EPB41: variants seen among roughly 807,000 people sequenced by gnomAD.
EPB41 encodes the protein erythrocyte membrane protein band 4.1, also known as protein 4.1.
Under a neutral mutation model 108.0 loss-of-function variants are expected in EPB41, and 65 were observed. That is an observed-to-expected ratio of 0.60 (90% CI 0.49 to 0.74). EPB41 has a LOEUF of 0.74. Among genes scored for constraint, EPB41 ranks in the 30% least tolerant of loss-of-function variants. The pLI is 0.00. For missense variants in EPB41, 875 were observed against 1,037.0 expected, an observed-to-expected ratio of 0.84 and a Z score of 2.15; for synonymous variants, 336 against 358.9, an observed-to-expected ratio of 0.94 and a Z score of 0.72.
intron 11 of EPB41, among the ~76,000 whole-genome samples, chr1:29,048,186 A>G (rs1223106057): frequency 1.3e-5 from 2 of 151,966 alleles, no homozygotes; most frequent in Non-Finnish European, 1.5e-5. Flanking sequence ...CCTATTATAT[A>G]TAGTTTAACT....
At chr1:28,968,578 G>C (rs960193597) in intron 1 of EPB41, among the ~76,000 whole-genome samples, 24 of 152,044 alleles carry the variant, frequency 1.6e-4, no homozygotes, top group African/African-American at 5.6e-4. Flanking sequence ...AAAAGAACCT[G>C]ACACTTAATA....
At chr1:28,952,981 G>A (rs2873886) in intron 1 of EPB41, among the ~76,000 whole-genome samples, 18,718 of 152,058 alleles carry the variant, frequency 0.12, 1,593 homozygotes, top group African/African-American at 0.25. Flanking sequence ...CGCCTGCCTC[G>A]GCCTCCCAAA....
Position 29,047,787 on chromosome 1 carries a change from TATGTATG to T in EPB41, c.1637-5316_1637-5310del, listed in dbSNP as rs1352976846. Reference sequence around the variant, plus strand: ...CAATTTATGTATGTATGTATGTATGTATGTATGTATTTATTTTTGAGGTGGAGTTTCA... The same window carrying T: ...CAATTTATGTATGTATGTATGTATGTTATTTATTTTTGAGGTGGAGTTTCA... On this transcript the variant is annotated intron_variant, in intron 11 of 20. Coordinates refer to ENST00000343067, the MANE Select transcript of EPB41 (RefSeq NM_001376013.1). Among the ~76,000 whole-genome samples the T allele has an allele frequency of 5.0e-4, 75 of 151,346 alleles. No homozygotes were observed. The South Asian group carries it at 6.7e-3, about 14-fold the overall frequency.
rs377505807 is a variant in EPB41, at chr1:29,112,496, A to C, written c.2496+48A>C. 4.0e-6 allele frequency: 6 copies of C among 1,489,566 alleles called. No individual in the cohort carries two copies. The East Asian group carries it at 6.8e-5, about 17-fold the overall frequency. The allele number at this position is 1,489,566 out of a possible 1,614,324, so 92.3% of individuals were successfully genotyped here. On this transcript the variant is annotated intron_variant, in intron 19 of 20. Transcript: ENST00000343067. The stretch of plus-strand genomic sequence containing the variant: ...GGCCTGGGAGGGGTCCCTGGGCAGG[A>C]AGACCGATGAATACAGGAGTTTGTT...
intron 7 of EPB41, among the ~76,000 whole-genome samples, chr1:29,030,134 T>C (rs2096770381): frequency 6.6e-6 from 1 of 152,170 alleles, no homozygotes; most frequent in Admixed American, 6.6e-5. Flanking sequence ...GGAAATTGTT[T>C]AGTAGGATTA....
chr1:28,976,583 G>A (rs2095612535), intron 1 of EPB41, among the ~76,000 whole-genome samples: 1 of 151,996 alleles, frequency 6.6e-6, no homozygotes, highest in African/African-American at 2.4e-5. Context: ...CAAACTCCTG[G>A]GCTCAAGCTA....
chr1:28,894,857 G>C (rs1216886096), intron 1 of EPB41, among the ~76,000 whole-genome samples: 1 of 152,180 alleles, frequency 6.6e-6, no homozygotes, highest in Non-Finnish European at 1.5e-5. Flanking sequence ...TCTGGGAGGG[G>C]ACTATGTGTT....
intron 4 of EPB41, among the ~76,000 whole-genome samples, chr1:28,997,703 A>G (rs2096212795): frequency 2.0e-5 from 3 of 150,406 alleles, no homozygotes; most frequent in South Asian, 2.1e-4. Flanking sequence ...TAATATTATA[A>G]TGACATATCA....
intron 16 of EPB41, among the ~76,000 whole-genome samples, chr1:29,093,702 C>T (rs559642029): frequency 6.6e-6 from 1 of 152,052 alleles, no homozygotes; most frequent in Non-Finnish European, 1.5e-5. Context: ...GTCAGGAGAT[C>T]GAGACCAGCC....
At chr1:28,897,607 G>A (rs2147873976) in intron 1 of EPB41, among the ~76,000 whole-genome samples, 1 of 86,358 alleles carries the variant, frequency 1.2e-5, no homozygotes, top group East Asian at 4.5e-4. Context: ...GGGAAGGGGA[G>A]GGGAGGGGAG....
chr1:28,935,626 A>G (rs1301925851), intron 1 of EPB41, among the ~76,000 whole-genome samples: 1 of 151,710 alleles, frequency 6.6e-6, no homozygotes, highest in Non-Finnish European at 1.5e-5. Context: ...CTCTCTCCTT[A>G]AGAGTTACTG....
At chr1:28,923,427 T>G (rs190596511) in intron 1 of EPB41, among the ~76,000 whole-genome samples, 9 of 152,266 alleles carry the variant, frequency 5.9e-5, no homozygotes, top group Middle Eastern at 3.4e-3. Flanking sequence ...GATTGATATA[T>G]CCTCTAGCTT....
chr1:28,936,846 C>G (rs2094051697), intron 1 of EPB41, among the ~76,000 whole-genome samples: 1 of 152,110 alleles, frequency 6.6e-6, no homozygotes, highest in African/African-American at 2.4e-5. Context: ...TGCTTTTTGG[C>G]TATTATAAAT....
At chr1:29,053,518 G>T in intron 12 of EPB41, 1 of 623,580 alleles carries the variant, frequency 1.6e-6, no homozygotes. Context: ...TATCTCAGAA[G>T]TTATAAGGTG....
chr1:28,917,258 GTGTGTGTGTA>G (rs2092747273), intron 1 of EPB41, among the ~76,000 whole-genome samples: 1 of 151,774 alleles, frequency 6.6e-6, no homozygotes, highest in Admixed American at 6.6e-5. Flanking sequence ...CTGTGTGTGT[GTGTGTGTGTA>G]TGTGTGTGTG....
chr1:28,949,618 T>A (rs575010198), intron 1 of EPB41, among the ~76,000 whole-genome samples: 10 of 152,068 alleles, frequency 6.6e-5, no homozygotes, highest in African/African-American at 1.9e-4. Context: ...TTTTATTTTT[T>A]TTTTAGATGG....
intron 1 of EPB41, among the ~76,000 whole-genome samples, chr1:28,931,329 C>T (rs2093728885): frequency 7.1e-6 from 1 of 139,932 alleles, no homozygotes; most frequent in Non-Finnish European, 1.5e-5. Flanking sequence ...GCTTGGGAAG[C>T]TAAGGTGGTT....
chr1:29,046,632 A>G (rs1397596292), intron 11 of EPB41, among the ~76,000 whole-genome samples: 1 of 152,100 alleles, frequency 6.6e-6, no homozygotes. Context: ...ATCTTTCCCA[A>G]TTTTAGGGCA....
In EPB41 at chr1:29,087,231, G is replaced by A. The variant is rs181130987; in HGVS notation, c.2185-10576G>A. ...GCTGGGATTACAGGTGTGAGCCACCGTGCCCAGCCAACTGTGGTTCTTTTG... is the reference window on the plus strand; with the variant it reads ...GCTGGGATTACAGGTGTGAGCCACCATGCCCAGCCAACTGTGGTTCTTTTG... On this transcript the variant is annotated intron_variant, in intron 16 of 20. Transcript: ENST00000343067. 3.0e-3 allele frequency among the ~76,000 whole-genome samples: 453 copies of A among 151,882 alleles called. 1 individual carries two copies. Among genetic ancestry groups the A allele is most frequent in the African/African-American group, 9.5e-3 (395 of 41,416 alleles).
Sources: gnomAD v4.1 joint callset for allele counts (sites outside exome capture counted in the v4.1 genomes callset) on GRCh38, gnomAD v4.1.1 for gene constraint, MANE v1.5 for transcripts, NCBI Gene and HGNC (gene_info 2026-07-23, HGNC 2026-07-21) for gene names.